MSI2: variants seen among roughly 807,000 people sequenced by gnomAD.
MSI2 encodes musashi RNA binding protein 2.
A neutral mutation model predicts 45.6 loss-of-function variants in MSI2; 17 were observed. The ratio of observed to expected loss-of-function variants is 0.37; its 90% CI spans 0.26 to 0.56. The LOEUF is 0.56. Ranked by LOEUF, MSI2 falls within the 20% of genes least tolerant of loss-of-function variation. The probability of loss-of-function intolerance (pLI) is 0.77; values close to 1 mark genes in which losing one functional copy is unlikely to be tolerated. For synonymous variants in MSI2, 156 were observed against 158.2 expected (o/e 0.99, Z 0.11); for missense variants, 293 against 444.2 (o/e 0.66, Z 3.06).
At chr17:57,535,030 G>A (rs2086893598) in intron 7 of MSI2, among the ~76,000 whole-genome samples, 1 of 152,224 alleles carries the variant, frequency 6.6e-6, no homozygotes, top group Admixed American at 6.5e-5. Flanking sequence ...GGAGGGAAGA[G>A]GCAACAAGGT....
intron 5 of MSI2, among the ~76,000 whole-genome samples, chr17:57,290,948 G>A (rs1008791736): frequency 3.9e-5 from 6 of 152,220 alleles, no homozygotes; most frequent in East Asian, 1.9e-4. Flanking sequence ...TGGGCCCTGC[G>A]TCAGTGTCCT....
At chr17:57,589,689 C>A (rs925163505) in intron 7 of MSI2, among the ~76,000 whole-genome samples, 9 of 152,302 alleles carry the variant, frequency 5.9e-5, no homozygotes, top group African/African-American at 1.9e-4. Context: ...CAAATCCATC[C>A]CTGAACACTT....
chr17:57,597,746 A>G (rs1598434801), intron 8 of MSI2, among the ~76,000 whole-genome samples: 2 of 152,252 alleles, frequency 1.3e-5, no homozygotes, highest in African/African-American at 4.8e-5. Flanking sequence ...GGCTTAGGAT[A>G]TTCTTTTGCT....
intron 6 of MSI2, among the ~76,000 whole-genome samples, chr17:57,501,816 T>C (rs2086112814): frequency 6.6e-6 from 1 of 152,092 alleles, no homozygotes; most frequent in Non-Finnish European, 1.5e-5. Flanking sequence ...ATGTCTTGGG[T>C]TTTTCAGGAA....
chr17:57,536,324 C>A (rs9894423), intron 7 of MSI2, among the ~76,000 whole-genome samples: 2 of 152,072 alleles, frequency 1.3e-5, no homozygotes, highest in Non-Finnish European at 2.9e-5. Context: ...TTGACAAAAA[C>A]GATCAGACCC....
intron 13 of MSI2, among the ~76,000 whole-genome samples, chr17:57,678,570 C>T (rs560072562): frequency 6.6e-6 from 1 of 152,270 alleles, no homozygotes; most frequent in South Asian, 2.1e-4. Flanking sequence ...CTGGGGCTGC[C>T]TGTGCTCCCT....
intron 7 of MSI2, among the ~76,000 whole-genome samples, chr17:57,584,638 G>A (rs566756494): frequency 1.3e-5 from 2 of 152,248 alleles, no homozygotes; most frequent in South Asian, 2.1e-4. Context: ...CCTTATCTGC[G>A]GCTGGTAACC....
At chr17:57,476,962 T>C (rs770385205) in intron 6 of MSI2, among the ~76,000 whole-genome samples, 8 of 152,134 alleles carry the variant, frequency 5.3e-5, no homozygotes, top group Non-Finnish European at 1.2e-4. Flanking sequence ...GATTCTTCTT[T>C]TTCCAAGGCC....
chr17:57,314,624 T>C (rs1385034913), intron 5 of MSI2, among the ~76,000 whole-genome samples: 1 of 135,962 alleles, frequency 7.4e-6, no homozygotes, highest in East Asian at 2.2e-4. Context: ...CAGGCTGGAG[T>C]GCAGTGGCGC....
Position 57,320,378 on chromosome 17 carries a change from G to A in MSI2, c.312+58186G>A, listed in dbSNP as rs143431204. Among the ~76,000 whole-genome samples, 531 of 152,188 alleles carry A rather than the reference G, an allele frequency of 3.5e-3. 6 individuals are homozygous for A. The highest frequency in any genetic ancestry group is 0.012 in the African/African-American group (499 of 41,514). On this transcript the variant is annotated intron_variant, in intron 5 of 13. Transcript: ENST00000284073. ...GTTATTTTTATTTAGGTGTGAATGC[G>A]GGGGCTTGAATCCAGGGCAGAGGTG...
intron 5 of MSI2, among the ~76,000 whole-genome samples, chr17:57,282,564 C>A (rs994532836): frequency 2.6e-5 from 4 of 152,094 alleles, no homozygotes; most frequent in African/African-American, 4.8e-5. Flanking sequence ...GTCTCGAGAT[C>A]ATTTTTTTAT....
intron 5 of MSI2, among the ~76,000 whole-genome samples, chr17:57,393,541 GGTT>G (rs2083833653): frequency 6.6e-6 from 1 of 152,066 alleles, no homozygotes. Context: ...TGGATATTTG[GGTT>G]GTTCTATTTT....
chr17:57,529,781 G>T lies in MSI2; in HGVS notation c.454+57G>T. On this transcript the variant is annotated intron_variant, in intron 7 of 13. Coordinates refer to ENST00000284073, the MANE Select transcript of MSI2 (RefSeq NM_138962.4). The surrounding 1 kb of genome is among the most constrained non-coding windows in gnomAD (Gnocchi z 5.3). Reference sequence around the variant, plus strand: ...TCACCCTCTCCTGGCCTCTCTGTCTGTCATCCCCAGTCCCACTGACAAAAG... The same window carrying T: ...TCACCCTCTCCTGGCCTCTCTGTCTTTCATCCCCAGTCCCACTGACAAAAG... 7 of 1,394,808 alleles carry T rather than the reference G, an allele frequency of 5.0e-6. No individual in the cohort carries two copies. The highest frequency in any genetic ancestry group is 7.0e-6 in the Non-Finnish European group (7 of 998,470). 86.4% of individuals were successfully genotyped at this position (1,394,808 alleles called of 1,614,324 possible). A position where few individuals can be genotyped will look rare whatever the true frequency, so the allele number is the denominator to read the frequency against.
At chr17:57,429,771 A>G (rs2084561115) in intron 6 of MSI2, among the ~76,000 whole-genome samples, 1 of 151,946 alleles carries the variant, frequency 6.6e-6, no homozygotes, top group African/African-American at 2.4e-5. Context: ...AGCTAAGCAA[A>G]AGGGAGAATT....
intron 7 of MSI2, among the ~76,000 whole-genome samples, chr17:57,587,210 A>G (rs1323400800): frequency 3.3e-5 from 5 of 152,224 alleles, no homozygotes; most frequent in African/African-American, 4.8e-5. Context: ...AGGAGCATCC[A>G]TAAATAAATG....
intron 10 of MSI2, among the ~76,000 whole-genome samples, chr17:57,649,590 C>T (rs181380157): frequency 6.6e-6 from 1 of 152,212 alleles, no homozygotes; most frequent in Non-Finnish European, 1.5e-5. Flanking sequence ...AACACACACA[C>T]CCCTTGTATC....
intron 7 of MSI2, among the ~76,000 whole-genome samples, chr17:57,581,002 A>ATTTTTTTTTTTTTTT (rs1567914151): frequency 5.2e-5 from 3 of 58,244 alleles, no homozygotes; most frequent in Admixed American, 2.1e-4. Context: ...TGAGGTCAGC[A>ATTTTTTTTTTTTTTT]TCTTTTTTTT....
chr17:57,293,597 T>G (rs12952525), intron 5 of MSI2, among the ~76,000 whole-genome samples: 5 of 129,244 alleles, frequency 3.9e-5, no homozygotes, highest in Non-Finnish European at 6.6e-5. Context: ...GTTTTTTTGT[T>G]TTTTTTTTTG....
intron 6 of MSI2, among the ~76,000 whole-genome samples, chr17:57,497,265 C>A (rs539112206): frequency 1.2e-4 from 19 of 152,386 alleles, no homozygotes; most frequent in African/African-American, 4.3e-4. Context: ...GCATGAGCCA[C>A]TGCACCCAGC....
Sources: allele counts gnomAD v4.1 joint callset (sites outside exome capture counted in the v4.1 genomes callset), GRCh38; gene constraint gnomAD v4.1.1; non-coding constraint Gnocchi (gnomAD v3.1); transcripts MANE v1.5; gene names NCBI Gene and HGNC (gene_info 2026-07-23, HGNC 2026-07-21).